The following CNTN3 variants were observed in gnomAD, a reference collection of about 807,000 sequenced individuals.
The protein encoded by CNTN3 is contactin 3.
Under a neutral mutation model 119.1 loss-of-function variants are expected in CNTN3, and 60 were observed. That is an observed-to-expected ratio of 0.50 (90% CI 0.41 to 0.62). CNTN3 has a LOEUF of 0.62. Among genes scored for constraint, CNTN3 ranks in the 20% least tolerant of loss-of-function variants. CNTN3 has a pLI of 0.00. For missense variants in CNTN3, 1,101 were observed against 1,242.4 expected (o/e 0.89, Z 1.71); for synonymous variants, 450 against 438.7 (o/e 1.03, Z -0.32).
chr3:74,577,141 C>T lies in CNTN3; in HGVS notation c.-81+37250G>A, dbSNP rs184891849. ...CACCCAAGACACAAAGTCAAGTCAT[C>T]ACGACCTAAATTTAGGAAAAATGCC... On this transcript the variant is annotated intron_variant, in intron 1 of 22. Coordinates refer to ENST00000263665, the MANE Select transcript of CNTN3 (RefSeq NM_020872.3). 1.2e-3 allele frequency among the ~76,000 whole-genome samples: 179 copies of T among 152,262 alleles called. 1 individual carries two copies. The highest frequency in any genetic ancestry group is 4.2e-3 in the African/African-American group (176 of 41,570).
chr3:74,430,739 T>G (rs544433978), intron 4 of CNTN3, among the ~76,000 whole-genome samples: 3 of 152,252 alleles, frequency 2.0e-5, no homozygotes, highest in African/African-American at 7.2e-5. Context: ...CACATGTACA[T>G]CCATGTGATA....
chr3:74,303,923 C>T (rs1702508739), intron 13 of CNTN3, among the ~76,000 whole-genome samples: 2 of 152,054 alleles, frequency 1.3e-5, no homozygotes, highest in African/African-American at 2.4e-5. Context: ...AACCAAAGCC[C>T]TTGGAAAATG....
At chr3:74,308,080 T>C (rs963509873) in intron 13 of CNTN3, among the ~76,000 whole-genome samples, 1 of 152,150 alleles carries the variant, frequency 6.6e-6, no homozygotes, top group African/African-American at 2.4e-5. Context: ...TGGAACCTGG[T>C]TGGCGTTTTC....
At chr3:74,577,592 A>G (rs1255205938) in intron 1 of CNTN3, among the ~76,000 whole-genome samples, 2 of 152,102 alleles carry the variant, frequency 1.3e-5, no homozygotes, top group African/African-American at 4.8e-5. Context: ...TAACATCCAT[A>G]TGTTCTCATT....
At chr3:74,548,067 G>A (rs1018179830) in intron 1 of CNTN3, among the ~76,000 whole-genome samples, 2 of 152,056 alleles carry the variant, frequency 1.3e-5, no homozygotes, top group African/African-American at 4.8e-5. Context: ...CCATTAAATT[G>A]AAACACTATC....
intron 2 of CNTN3, among the ~76,000 whole-genome samples, chr3:74,505,345 C>A (rs147553701): frequency 1.3e-5 from 2 of 152,042 alleles, no homozygotes; most frequent in Non-Finnish European, 2.9e-5. Flanking sequence ...AAATAAAATG[C>A]TGACCTTGCT....
At chr3:74,477,057 T>C (rs1016597121) in intron 4 of CNTN3, among the ~76,000 whole-genome samples, 11 of 152,152 alleles carry the variant, frequency 7.2e-5, no homozygotes, top group Admixed American at 5.2e-4. Context: ...AGAGTTTCCA[T>C]AAGACATGCA....
chr3:74,418,690 T>C (rs1273473575), intron 5 of CNTN3, among the ~76,000 whole-genome samples: 4 of 151,868 alleles, frequency 2.6e-5, no homozygotes, highest in African/African-American at 9.7e-5. Context: ...TAGAGATTCA[T>C]CTCTATATTT....
chr3:74,334,304 A>G (rs560259023), intron 13 of CNTN3, among the ~76,000 whole-genome samples: 1 of 152,286 alleles, frequency 6.6e-6, no homozygotes, highest in African/African-American at 2.4e-5. Context: ...GTCTGGTGCA[A>G]TTGTGAGGAT....
chr3:74,487,885 C>A (rs1029190993), intron 3 of CNTN3, among the ~76,000 whole-genome samples: 2 of 151,598 alleles, frequency 1.3e-5, no homozygotes, highest in African/African-American at 4.8e-5. Flanking sequence ...AGTTAGATAC[C>A]ATTTATGTGA....
intron 4 of CNTN3, among the ~76,000 whole-genome samples, chr3:74,471,343 TA>T (rs202069328): frequency 6.6e-6 from 1 of 151,102 alleles, no homozygotes; most frequent in African/African-American, 2.4e-5. Flanking sequence ...TAAAGTATAA[TA>T]AAAAAAAAGA....
Position 74,302,759 on chromosome 3 carries a change from C to T in CNTN3, c.1717G>A (p.Gly573Arg), listed in dbSNP as rs1040432307. 1 of 1,612,964 alleles carries T rather than the reference C, an allele frequency of 6.2e-7. No individual in the cohort carries two copies. Among genetic ancestry groups the T allele is most frequent in the Non-Finnish European group, 8.5e-7 (1 of 1,179,370 alleles). Residue 573 changes from glycine to arginine, a missense_variant, in exon 14 of 23, where the codon GGG becomes AGG. Gly to Arg is a moderately radical substitution (Grantham distance 125, BLOSUM62 -2). Coordinates refer to ENST00000263665, the MANE Select transcript of CNTN3 (RefSeq NM_020872.3). ...GTTTGCACCATACAAACATATTTCC[C>T]ACTGTGTTTCAGCTGAATGTTTCTG... ...MIRNIQLKHS[G>R]KYVCMVQTGV...
chr3:74,595,605 T>C (rs113357364), intron 1 of CNTN3, among the ~76,000 whole-genome samples: 9,946 of 152,186 alleles, frequency 0.065, 355 homozygotes, highest in South Asian at 0.17. Flanking sequence ...ATTATCTCAA[T>C]AGATGCAGAA....
At chr3:74,586,464 T>G (rs938689743) in intron 1 of CNTN3, among the ~76,000 whole-genome samples, 1 of 152,086 alleles carries the variant, frequency 6.6e-6, no homozygotes, top group Non-Finnish European at 1.5e-5. Flanking sequence ...AATACGCAAT[T>G]TAAGGCAAAA....
chr3:74,437,996 T>A (rs1444866083), intron 4 of CNTN3, among the ~76,000 whole-genome samples: 1 of 152,242 alleles, frequency 6.6e-6, no homozygotes, highest in Non-Finnish European at 1.5e-5. Flanking sequence ...ACCACTGTAC[T>A]GGGTATGCCA....
Position 74,361,937 on chromosome 3 carries a change from T to G in CNTN3, c.1317A>C (p.Ala439=), listed in dbSNP as rs1219261781. ...LDCKPRASPR[A]LSSWKKGDVS... is the part of the protein sequence containing the mutation. ...CATCCCCCTTCTTCCAGGAAGAGAG[T>G]GCCCTTGGGGAGGCTCTGGGTTTAC... Residue 439 remains alanine, a synonymous_variant, in exon 11 of 23, where the codon GCA becomes GCC. Transcript: ENST00000263665. 1 of 1,613,488 alleles carries G rather than the reference T, an allele frequency of 6.2e-7. No individual in the cohort carries two copies. The highest frequency in any genetic ancestry group is 1.3e-5 in the African/African-American group (1 of 74,860).
At chr3:74,529,848 C>T (rs1321110071) in intron 1 of CNTN3, among the ~76,000 whole-genome samples, 1 of 151,912 alleles carries the variant, frequency 6.6e-6, no homozygotes, top group African/African-American at 2.4e-5. Flanking sequence ...TAGCCCAGAC[C>T]ATTCTGTTCC....
At chr3:74,320,424 A>T (rs949745962) in intron 13 of CNTN3, among the ~76,000 whole-genome samples, 3 of 152,118 alleles carry the variant, frequency 2.0e-5, no homozygotes, top group African/African-American at 7.2e-5. Context: ...AAGGACAAAA[A>T]ACCAAGCACC....
chr3:74,297,936 A>G (rs757210859), intron 18 of CNTN3, 21 bp downstream of exon 18: 6 of 1,566,108 alleles, frequency 3.8e-6, no homozygotes, highest in Non-Finnish European at 5.3e-6. Context: ...CGGAACTGAT[A>G]TACAGTCATG....
Sources: gnomAD v4.1 joint callset for allele counts (sites outside exome capture counted in the v4.1 genomes callset) on GRCh38, gnomAD v4.1.1 for gene constraint, MANE v1.5 for transcripts, NCBI Gene and HGNC (gene_info 2026-07-23, HGNC 2026-07-21) for gene names.